Variants in PHF11 observed in about 807,000 individuals in gnomAD.
PHF11 encodes the protein PHD finger protein 11, also known as BRCA1 C-terminus-associated protein.
PHF11 carries 38 observed loss-of-function variants against 40.5 expected under a neutral mutation model. The observed-to-expected ratio is 0.94, with a 90% CI of 0.72 to 1.23. The LOEUF is 1.23. Among genes scored for constraint, PHF11 ranks in the 50% most tolerant of loss-of-function variants. PHF11 has a pLI of 0.00. For missense variants in PHF11, 369 were observed against 392.4 expected (o/e 0.94, Z 0.50); for synonymous variants, 127 against 138.2 (o/e 0.92, Z 0.57).
At chr13:49,502,524 T>C (rs1241272492) in intron 1 of PHF11, among the ~76,000 whole-genome samples, 1 of 152,188 alleles carries the variant, frequency 6.6e-6, no homozygotes, top group African/African-American at 2.4e-5. Context: ...CTGACTGTTA[T>C]AAACCAATAA....
In PHF11 at chr13:49,496,078, C is replaced by A. The variant is rs1958799330; in HGVS notation, c.77C>A (p.Ala26Glu). The change falls in exon 1 of 10, where the codon GCG becomes GAG. Residue 26 changes from alanine to glutamate, a missense_variant. Transcript: ENST00000378319. ...CCGGAGGCCCGGCCCGCGCAGGAGG[C>A]GCTCCTCCTTCCCACCGGTGTGTAC... is the stretch of plus-strand genomic sequence containing the variant. The part of the protein sequence containing the change: ...SSPEARPAQE[A>E]LLLPTGVFQV... 7.6e-7 allele frequency: 1 copy of A among 1,318,640 alleles called. No individual in the cohort carries two copies. The highest frequency in any genetic ancestry group is 1.6e-5 in the African/African-American group (1 of 63,344). The allele number at this position is 1,318,640 out of a possible 1,614,324, so 81.7% of individuals were successfully genotyped here.
At chr13:49,526,534 C>A in intron 9 of PHF11, 76 bp downstream of exon 9, 1 of 799,826 alleles carries the variant, frequency 1.3e-6, no homozygotes. Flanking sequence ...ATATACTGTA[C>A]AGGTGATAAA....
intron 6 of PHF11, 90 bp downstream of exon 6, chr13:49,522,197 A>C: frequency 1.5e-6 from 1 of 678,478 alleles, no homozygotes; most frequent in Non-Finnish European, 2.6e-6. Context: ...GGTACTTTCC[A>C]AATCGTCCAA....
intron 1 of PHF11, among the ~76,000 whole-genome samples, chr13:49,505,804 C>G (rs1958979786): frequency 6.6e-6 from 1 of 152,002 alleles, no homozygotes; most frequent in African/African-American, 2.4e-5. Context: ...AAAAAAAAAT[C>G]TACTTCCTAC....
chr13:49,518,324 C>CTA lies in PHF11; in HGVS notation c.458+189_458+190dup, dbSNP rs10569387. 689 of 267,718 alleles carry CTA rather than the reference C, an allele frequency of 2.6e-3. 3 individuals carry two copies. The highest frequency in any genetic ancestry group is 7.1e-3 in the African/African-American group (315 of 44,442). 16.6% of individuals were successfully genotyped at this position (267,718 alleles called of 1,614,324 possible). A position where few individuals can be genotyped will look rare whatever the true frequency, so the allele number is the denominator to read the frequency against. On this transcript the variant is annotated intron_variant, in intron 4 of 9. Coordinates refer to ENST00000378319, the MANE Select transcript of PHF11 (RefSeq NM_001040443.3). Reference sequence around the variant, plus strand: ...TGAATTTTGAATTTCAGTGAAAAATCTATATATATATATATATTATTTTAG... The same window carrying CTA: ...TGAATTTTGAATTTCAGTGAAAAATCTATATATATATATATATATTATTTTAG...
chr13:49,496,828 C>CA (rs1410638063), intron 1 of PHF11, among the ~76,000 whole-genome samples: 4 of 96,690 alleles, frequency 4.1e-5, no homozygotes, highest in Non-Finnish European at 6.1e-5. Flanking sequence ...GCTGGGCTTA[C>CA]CCTTTTTTTT....
rs138839544 is a variant in PHF11, at chr13:49,509,446, C to T, written c.216+2690C>T. ...CAAGATGGTCTTGATCTCTTGACCT[C>T]GTGATCCACCCACCTCAGCCTCCCA... On this transcript the variant is annotated intron_variant, in intron 2 of 9. Transcript: ENST00000378319. Among the ~76,000 whole-genome samples, 1,003 of 152,186 alleles carry T rather than the reference C, an allele frequency of 6.6e-3. 13 individuals carry two copies. The highest frequency in any genetic ancestry group is 0.02 in the African/African-American group (847 of 41,516).
rs374311581 is a variant in PHF11 at position 49,524,098 on chromosome 13, A to C, written c.651A>C (p.Lys217Asn). Reference sequence around the variant, plus strand: ...TCTTATTCTTAGATGCAACTGTGAAAGTTCCTTTTCTTAAGAAATGCAAGG... The same window carrying C: ...TCTTATTCTTAGATGCAACTGTGAACGTTCCTTTTCTTAAGAAATGCAAGG... ...EHGRHTDATVKVPFLKKCKEA... is the reference protein window; with the variant it reads ...EHGRHTDATVNVPFLKKCKEA... Residue 217 changes from lysine (K) to asparagine (N), a missense_variant, in exon 8 of 10, where the codon AAA (lysine) becomes AAC (asparagine). Transcript: ENST00000378319. 46 of 1,606,238 alleles carry C rather than the reference A, an allele frequency of 2.9e-5. No homozygotes were observed. The African/African-American group carries it at 5.9e-4, about 21-fold the overall frequency.
intron 5 of PHF11, 200 bp downstream of exon 5, chr13:49,521,140 C>T (rs1959185871): frequency 7.9e-7 from 1 of 1,272,884 alleles, no homozygotes; most frequent in East Asian, 3.2e-5. Context: ...TGAACAAGAC[C>T]TATTCTCTTT....
rs138305809 is a variant in PHF11, at chr13:49,526,410, C to G, written c.793C>G (p.Leu265Val). 1 of 1,610,612 alleles carries G rather than the reference C, an allele frequency of 6.2e-7. No homozygotes were observed. Among genetic ancestry groups the G allele is most frequent in the Non-Finnish European group, 8.5e-7 (1 of 1,177,090 alleles). Residue 265 changes from leucine to valine, a missense_variant, in exon 9 of 10, where the codon CTT becomes GTT. Transcript: ENST00000378319. ...AGACTATGAAGAAATCGGGAGTGCA[C>G]TTTTTGACTGTAGATTGTTCGAAGA... ...ESDYEEIGSA[L>V]FDCRLFEDTF...
In PHF11 at chr13:49,523,228, T is replaced by C. The variant is rs1959199429; in HGVS notation, c.624T>C (p.His208=). The C allele has an allele frequency of 1.2e-6, 2 of 1,610,536 alleles. No homozygotes were observed. Among genetic ancestry groups the C allele is most frequent in the East Asian group, 2.2e-5 (1 of 44,888 alleles). ...NTFIRQVKEE[H]GRHTDATVKV... ...TCATAAGACAAGTGAAAGAAGAGCATGGCAGACACACAGGTTTGCGCTAAG... is the reference window on the plus strand; with the variant it reads ...TCATAAGACAAGTGAAAGAAGAGCACGGCAGACACACAGGTTTGCGCTAAG... The change falls in exon 7 of 10, where the codon CAT becomes CAC. Residue 208 remains histidine, a synonymous_variant. Transcript: ENST00000378319.
chr13:49,496,068 G>C lies in PHF11; in HGVS notation c.67G>C (p.Ala23Pro). Residue 23 changes from alanine to proline, a missense_variant, in exon 1 of 10, where the codon GCG (alanine) becomes CCG (proline). Coordinates refer to ENST00000378319, the MANE Select transcript of PHF11 (RefSeq NM_001040443.3). ...CGCCAGCAGCCCGGAGGCCCGGCCC[G>C]CGCAGGAGGCGCTCCTCCTTCCCAC... ...LGASSPEARPAQEALLLPTGV... is the reference protein window; with the variant it reads ...LGASSPEARPPQEALLLPTGV... 3 of 1,441,332 alleles carry C rather than the reference G, an allele frequency of 2.1e-6. No individual in the cohort carries two copies. Among genetic ancestry groups the C allele is most frequent in the Non-Finnish European group, 2.7e-6 (3 of 1,104,990 alleles). 89.3% of individuals were successfully genotyped at this position (1,441,332 alleles called of 1,614,324 possible). A position where few individuals can be genotyped will look rare whatever the true frequency, so the allele number is the denominator to read the frequency against.
intron 3 of PHF11, among the ~76,000 whole-genome samples, chr13:49,513,417 G>C (rs571080502): frequency 6.8e-6 from 1 of 147,452 alleles, no homozygotes; most frequent in Non-Finnish European, 1.5e-5. Flanking sequence ...TGCAACCTCC[G>C]CCTCCTGGGT....
chr13:49,522,758 GGTT>G (rs373489526), intron 6 of PHF11, among the ~76,000 whole-genome samples: 1 of 35,818 alleles, frequency 2.8e-5, no homozygotes, highest in Non-Finnish European at 7.6e-5. Context: ...ATGAATATGG[GGTT>G]TTTTTGTTTT....
At chr13:49,500,660 G>T (rs922765531) in intron 1 of PHF11, among the ~76,000 whole-genome samples, 2 of 152,214 alleles carry the variant, frequency 1.3e-5, no homozygotes, top group Non-Finnish European at 2.9e-5. Context: ...AGCCACTAGG[G>T]AGAACCTGTG....
intron 3 of PHF11, among the ~76,000 whole-genome samples, chr13:49,515,455 T>TACACACACACAC (rs61316360): frequency 3.3e-4 from 45 of 137,696 alleles, no homozygotes; most frequent in Middle Eastern, 3.6e-3. Context: ...CCATCTCCTA[T>TACACACACACAC]ACACACACAC....
intron 4 of PHF11, among the ~76,000 whole-genome samples, chr13:49,519,383 C>T (rs2139066520): frequency 6.6e-6 from 1 of 152,108 alleles, no homozygotes; most frequent in East Asian, 1.9e-4. Context: ...CCTGCTATAG[C>T]TTAAAGTTTG....
chr13:49,496,089 C>T lies in PHF11; in HGVS notation c.88C>T (p.Pro30Ser). Residue 30 changes from proline to serine, a missense_variant, in exon 1 of 10, where the codon CCC becomes TCC. Pro to Ser is a moderately conservative substitution (Grantham distance 74). Coordinates refer to ENST00000378319, the MANE Select transcript of PHF11 (RefSeq NM_001040443.3). ...GCCCGCGCAGGAGGCGCTCCTCCTTCCCACCGGTGTGTACCGCGGGGGCGG... is the reference window on the plus strand; with the variant it reads ...GCCCGCGCAGGAGGCGCTCCTCCTTTCCACCGGTGTGTACCGCGGGGGCGG... ...ARPAQEALLL[P>S]TGVFQVAEKM... is the part of the protein sequence containing the mutation. The T allele has an allele frequency of 7.1e-7, 1 of 1,408,684 alleles. No homozygotes were observed. The highest frequency in any genetic ancestry group is 9.2e-7 in the Non-Finnish European group (1 of 1,088,172). The allele number at this position is 1,408,684 out of a possible 1,614,324, so 87.3% of individuals were successfully genotyped here.
intron 6 of PHF11, among the ~76,000 whole-genome samples, chr13:49,522,717 A>T (rs1959194148): frequency 6.6e-6 from 1 of 151,992 alleles, no homozygotes; most frequent in Admixed American, 6.6e-5. Context: ...ATAATACAAA[A>T]CAAAAATATA....
Sources: allele counts gnomAD v4.1 joint callset (sites outside exome capture counted in the v4.1 genomes callset), GRCh38; gene constraint gnomAD v4.1.1; transcripts MANE v1.5; gene names NCBI Gene and HGNC (gene_info 2026-07-23, HGNC 2026-07-21).